The following GRID1 variants were observed in gnomAD, a reference collection of about 807,000 sequenced individuals.
GRID1 encodes the protein glutamate ionotropic receptor delta type subunit 1.
GRID1 carries 28 observed loss-of-function variants against 98.0 expected under a neutral mutation model. That is an observed-to-expected ratio of 0.29 (90% CI 0.21 to 0.39). The LOEUF is 0.39. Ranked by LOEUF, GRID1 falls within the 10% of genes least tolerant of loss-of-function variation. The pLI is 1.00. For synonymous variants in GRID1, 553 were observed against 538.5 expected, an observed-to-expected ratio of 1.03 and a Z score of -0.37; for missense variants, 1,111 against 1,340.5, an observed-to-expected ratio of 0.83 and a Z score of 2.67.
rs796304168 is a variant in GRID1, at chr10:86,072,651, C to G, written c.726+66168G>C. ...CCTCAAAAGCCCAAGGGAGCTCGGT[C>G]TGATTAGCACATTGAACATCTCTCC... On this transcript the variant is annotated intron_variant, in intron 4 of 15. Transcript: ENST00000327946. Among the ~76,000 whole-genome samples the G allele has an allele frequency of 4.6e-5, 7 of 152,328 alleles. No individual in the cohort carries two copies. The South Asian group carries it at 1.5e-3, about 32-fold the overall frequency.
At chr10:86,171,848 C>T (rs1043060676) in intron 3 of GRID1, among the ~76,000 whole-genome samples, 2 of 152,136 alleles carry the variant, frequency 1.3e-5, no homozygotes, top group Non-Finnish European at 2.9e-5. Flanking sequence ...AAGCAAACGC[C>T]GGAGGAACAC....
chr10:86,089,569 A>T (rs1270626145), intron 4 of GRID1, among the ~76,000 whole-genome samples: 2 of 152,220 alleles, frequency 1.3e-5, no homozygotes, highest in African/African-American at 4.8e-5. Context: ...ACTCAAACTG[A>T]ATCAATCAAT....
rs528545065 is a variant in GRID1 at position 85,732,285 on chromosome 10, C to G, written c.1234-2671G>C. ...ATCCCAATGGCTCACAGAGTCATAA[C>G]AGAAGACATCTTGTCCTAATGATGA... On this transcript the variant is annotated intron_variant, in intron 8 of 15. Transcript: ENST00000327946. Among the ~76,000 whole-genome samples the G allele has an allele frequency of 2.0e-5, 3 of 152,306 alleles. No individual in the cohort carries two copies. In the South Asian group the frequency reaches 6.2e-4, roughly 32 times the overall value.
intron 4 of GRID1, among the ~76,000 whole-genome samples, chr10:86,113,351 C>A (rs1165697696): frequency 6.6e-6 from 1 of 152,186 alleles, no homozygotes; most frequent in Non-Finnish European, 1.5e-5. Context: ...CACAGGCATT[C>A]TCTCTCTGTT....
chr10:85,878,433 T>C (rs1317323843), intron 5 of GRID1, among the ~76,000 whole-genome samples: 6 of 152,134 alleles, frequency 3.9e-5, no homozygotes, highest in South Asian at 2.1e-4. Context: ...CAGCAGAAAC[T>C]CTACAAGCCA....
chr10:85,912,669 G>T (rs899542193), intron 5 of GRID1, among the ~76,000 whole-genome samples: 1 of 152,214 alleles, frequency 6.6e-6, no homozygotes, highest in Non-Finnish European at 1.5e-5. Flanking sequence ...ACCTGAGCTT[G>T]TTTGAGGAAC....
chr10:85,859,767 C>T (rs1159365644), intron 6 of GRID1, among the ~76,000 whole-genome samples: 1 of 152,186 alleles, frequency 6.6e-6, no homozygotes, highest in Non-Finnish European at 1.5e-5. Context: ...CCAACCTCAG[C>T]ATCCTCACTG....
Position 86,206,301 on chromosome 10 carries a change from G to A in GRID1, c.520+63C>T, listed in dbSNP as rs1349598694. On this transcript the variant is annotated intron_variant, in intron 3 of 15. Coordinates refer to ENST00000327946, the MANE Select transcript of GRID1 (RefSeq NM_017551.3). The surrounding 1 kb of genome is among the most constrained non-coding windows in gnomAD (Gnocchi z 4.1). Reference sequence around the variant, plus strand: ...GGTCCAGGGCCCCACCCACTCTCAGGTCTCCCAGCATCTGGCCATCCCTGT... The same window carrying A: ...GGTCCAGGGCCCCACCCACTCTCAGATCTCCCAGCATCTGGCCATCCCTGT... 2.0e-6 allele frequency: 3 copies of A among 1,507,398 alleles called. No homozygotes were observed. The highest frequency in any genetic ancestry group is 2.7e-6 in the Non-Finnish European group (3 of 1,111,798). The allele number at this position is 1,507,398 out of a possible 1,614,324, so 93.4% of individuals were successfully genotyped here.
Position 86,346,819 on chromosome 10 carries a change from C to A in GRID1, c.235+17122G>T, listed in dbSNP as rs567719949. 2.0e-5 allele frequency among the ~76,000 whole-genome samples: 3 copies of A among 152,178 alleles called. No individual in the cohort carries two copies. The East Asian group carries it at 5.8e-4, about 29-fold the overall frequency. ...ACCTGGAGGGAGCTCTCAGGGTTCC[C>A]CACAAATGTGCCTATTGGGAGGAAT... On this transcript the variant is annotated intron_variant, in intron 2 of 15. Coordinates refer to ENST00000327946, the MANE Select transcript of GRID1 (RefSeq NM_017551.3).
At chr10:85,725,316 T>G (rs1435027741) in intron 10 of GRID1, among the ~76,000 whole-genome samples, 1 of 152,220 alleles carries the variant, frequency 6.6e-6, no homozygotes, top group African/African-American at 2.4e-5. Context: ...TCCACCACCC[T>G]TAATTCATGG....
At chr10:86,068,073 C>G (rs1843745710) in intron 4 of GRID1, among the ~76,000 whole-genome samples, 1 of 152,176 alleles carries the variant, frequency 6.6e-6, no homozygotes, top group Admixed American at 6.5e-5. Context: ...TAGACACTTT[C>G]CATTCACTAT....
intron 14 of GRID1, 76 bp from the exon 15 acceptor site, chr10:85,613,723 A>T: frequency 1.3e-6 from 2 of 1,535,406 alleles, no homozygotes; most frequent in Non-Finnish European, 1.8e-6. Context: ...CCCCTGCCCC[A>T]CCATGCTGGC....
intron 8 of GRID1, among the ~76,000 whole-genome samples, chr10:85,851,413 C>G (rs1843057299): frequency 6.6e-6 from 1 of 152,170 alleles, no homozygotes; most frequent in African/African-American, 2.4e-5. Flanking sequence ...TAAAAACGCA[C>G]TTCCTGGATG....
intron 4 of GRID1, among the ~76,000 whole-genome samples, chr10:85,942,524 C>T (rs1842008137): frequency 6.6e-6 from 1 of 152,224 alleles, no homozygotes. Flanking sequence ...ATTCTCCACC[C>T]AGCTTCCTCT....
intron 3 of GRID1, among the ~76,000 whole-genome samples, chr10:86,177,085 A>G (rs1845585860): frequency 6.6e-6 from 1 of 151,440 alleles, no homozygotes; most frequent in Admixed American, 6.6e-5. Flanking sequence ...CACCCCCTAC[A>G]GCAGCAAACC....
chr10:85,702,452 T>C (rs905214182), intron 12 of GRID1, among the ~76,000 whole-genome samples: 2 of 152,010 alleles, frequency 1.3e-5, no homozygotes, highest in African/African-American at 4.8e-5. Flanking sequence ...TACCAACATA[T>C]GAAAAATCAA....
intron 2 of GRID1, among the ~76,000 whole-genome samples, chr10:86,304,658 T>A (rs80174360): frequency 6.6e-6 from 1 of 152,242 alleles, no homozygotes; most frequent in African/African-American, 2.4e-5. Context: ...TGCTCAGTCC[T>A]GCCATATCCA....
intron 8 of GRID1, among the ~76,000 whole-genome samples, chr10:85,841,479 C>G (rs1389253607): frequency 6.6e-6 from 1 of 152,034 alleles, no homozygotes; most frequent in East Asian, 1.9e-4. Flanking sequence ...CAAAAATTGA[C>G]AAATGGGATC....
At chr10:86,359,231 C>G (rs933845617) in intron 2 of GRID1, among the ~76,000 whole-genome samples, 1 of 152,208 alleles carries the variant, frequency 6.6e-6, no homozygotes, top group African/African-American at 2.4e-5. Context: ...ACTCAGAGAG[C>G]CTCTGATGGT....
Sources: allele counts gnomAD v4.1 joint callset (sites outside exome capture counted in the v4.1 genomes callset), GRCh38; gene constraint gnomAD v4.1.1; non-coding constraint Gnocchi (gnomAD v3.1); transcripts MANE v1.5; gene names NCBI Gene and HGNC (gene_info 2026-07-23, HGNC 2026-07-21).